RNF24: variants seen among roughly 807,000 people sequenced by gnomAD.
RNF24 encodes ring finger protein 24.
A neutral mutation model predicts 20.0 loss-of-function variants in RNF24; 14 were observed. That is an observed-to-expected ratio of 0.70 (90% CI 0.46 to 1.10). The LOEUF (loss-of-function observed/expected upper bound fraction) is 1.10. RNF24 is among the 50% of genes least tolerant of loss of function. The pLI is 0.00. For missense variants in RNF24, 124 were observed against 177.6 expected, an observed-to-expected ratio of 0.70 and a Z score of 1.71; for synonymous variants, 45 against 61.1, an observed-to-expected ratio of 0.74 and a Z score of 1.23.
chr20:3,933,526 G>A lies in RNF24; in HGVS notation c.*537C>T, dbSNP rs544753308. 9 of 215,538 alleles carry A rather than the reference G, an allele frequency of 4.2e-5. No homozygotes were observed. The highest frequency in any genetic ancestry group is 8.2e-5 in the Non-Finnish European group (9 of 110,402). 13.4% of individuals were successfully genotyped at this position (215,538 alleles called of 1,614,324 possible). A position where few individuals can be genotyped will look rare whatever the true frequency, so the allele number is the denominator to read the frequency against. On this transcript the variant is annotated 3_prime_UTR_variant, in exon 6 of 6. Coordinates refer to ENST00000358395, the MANE Select transcript of RNF24 (RefSeq NM_001134337.3). ...GGGGAAATGGGTGACGAGGAACACT[G>A]CTACTCAAAGCCAAGATGGCCTTAT...
chr20:3,944,113 A>C (rs1354226617), intron 4 of RNF24, among the ~76,000 whole-genome samples: 1 of 151,658 alleles, frequency 6.6e-6, no homozygotes, highest in East Asian at 1.9e-4. Context: ...GACAGGCTGA[A>C]GCAGGAGAAT....
At chr20:3,978,305 G>A (rs1002510114) in intron 1 of RNF24, among the ~76,000 whole-genome samples, 2 of 151,616 alleles carry the variant, frequency 1.3e-5, no homozygotes. Context: ...CAAAGTGCTG[G>A]AATTACAGAC....
chr20:4,004,628 G>A (rs1304686142), intron 1 of RNF24, among the ~76,000 whole-genome samples: 2 of 152,188 alleles, frequency 1.3e-5, no homozygotes, highest in African/African-American at 4.8e-5. Context: ...AAGACCATAT[G>A]AAGACAGAAG....
At chr20:3,995,880 T>A (rs1980823379) in intron 1 of RNF24, among the ~76,000 whole-genome samples, 1 of 152,094 alleles carries the variant, frequency 6.6e-6, no homozygotes, top group Non-Finnish European at 1.5e-5. Context: ...CAGTGAATAA[T>A]CCTCTAAATG....
Position 3,931,910 on chromosome 20 carries a change from T to C in RNF24, c.*2153A>G, listed in dbSNP as rs1380379418. 1.3e-5 allele frequency: 2 copies of C among 152,196 alleles called. No individual in the cohort carries two copies. Among genetic ancestry groups the C allele is most frequent in the Non-Finnish European group, 2.9e-5 (2 of 68,038 alleles). 9.4% of individuals were successfully genotyped at this position (152,196 alleles called of 1,614,324 possible). A position where few individuals can be genotyped will look rare whatever the true frequency, so the allele number is the denominator to read the frequency against. On this transcript the variant is annotated 3_prime_UTR_variant, in exon 6 of 6. Transcript: ENST00000358395. ...TGCCTGTGGCTCTGACACGGGGGGA[T>C]GAATTAACTTGCCTCTGTTCAAATA...
At position 3,930,605 on chromosome 20, in the gene RNF24, T is replaced by G. The variant is rs1162377811; in HGVS notation, c.*3458A>C. On this transcript the variant is annotated 3_prime_UTR_variant, in exon 6 of 6. Coordinates refer to ENST00000358395, the MANE Select transcript of RNF24 (RefSeq NM_001134337.3). The stretch of plus-strand genomic sequence containing the variant: ...GTGACAAGAGGTGATTCCATCACTC[T>G]CTGCCTGGAGCTCTGGGTATACTGC... 1 of 152,238 alleles carries G rather than the reference T, an allele frequency of 6.6e-6. No homozygotes were observed. Among genetic ancestry groups the G allele is most frequent in the Non-Finnish European group, 1.5e-5 (1 of 68,044 alleles). 9.4% of individuals were successfully genotyped at this position (152,238 alleles called of 1,614,324 possible).
chr20:3,969,773 GT>G (rs34975215), intron 1 of RNF24, among the ~76,000 whole-genome samples: 89 of 136,214 alleles, frequency 6.5e-4, no homozygotes, highest in East Asian at 3.9e-3. Context: ...GCTGAAATCT[GT>G]TTTTTTTTTT....
chr20:3,945,246 G>A (rs191563273), intron 3 of RNF24, 28 bp from the exon 4 acceptor site: 1 of 1,559,162 alleles, frequency 6.4e-7, no homozygotes, highest in African/African-American at 1.4e-5. Flanking sequence ...ATGTTCTTAT[G>A]CCCATTTAAA....
chr20:3,994,761 T>C (rs1980727706), intron 1 of RNF24, among the ~76,000 whole-genome samples: 1 of 152,198 alleles, frequency 6.6e-6, no homozygotes, highest in Non-Finnish European at 1.5e-5. Context: ...TTGAACACAT[T>C]AATTCCAGGA....
At chr20:4,005,186 T>C (rs903101495) in intron 1 of RNF24, among the ~76,000 whole-genome samples, 4 of 151,970 alleles carry the variant, frequency 2.6e-5, no homozygotes, top group Non-Finnish European at 4.4e-5. Context: ...ATTTAGTTTG[T>C]CATCCATAAA....
intron 4 of RNF24, 99 bp downstream of exon 4, chr20:3,945,077 TA>T: frequency 6.8e-7 from 1 of 1,464,062 alleles, no homozygotes; most frequent in Non-Finnish European, 9.3e-7. Context: ...AAAATAAGCC[TA>T]TTTTTTTCAA....
At position 3,930,695 on chromosome 20, in the gene RNF24, G is replaced by T. The variant is rs2090810765; in HGVS notation, c.*3368C>A. ...CCTCTGAGAAAAATAATTCCTAGTT[G>T]TTCAAAGTAGCTTAGAGCGGGATCA... On this transcript the variant is annotated 3_prime_UTR_variant, in exon 6 of 6. Coordinates refer to ENST00000358395, the MANE Select transcript of RNF24 (RefSeq NM_001134337.3). 1 of 152,280 alleles carries T rather than the reference G, an allele frequency of 6.6e-6. No individual in the cohort carries two copies. 9.4% of individuals were successfully genotyped at this position (152,280 alleles called of 1,614,324 possible).
intron 1 of RNF24, among the ~76,000 whole-genome samples, chr20:3,969,506 C>CA (rs113442389): frequency 0.17 from 15,282 of 89,030 alleles, 979 homozygotes; most frequent in Non-Finnish European, 0.23. Flanking sequence ...CAGGTGAAGA[C>CA]AAAAAAAAAA....
At position 3,959,623 on chromosome 20, in the gene RNF24, T is replaced by C. The variant is rs73580288; in HGVS notation, c.143+4252A>G. Among the ~76,000 whole-genome samples, 758 of 152,324 alleles carry C rather than the reference T, an allele frequency of 5.0e-3. 2 individuals carry two copies. The highest frequency in any genetic ancestry group is 0.017 in the African/African-American group (698 of 41,574). On this transcript the variant is annotated intron_variant, in intron 2 of 5. Transcript: ENST00000358395. ...TGTTTATAATTTTATCCAAGTTACA[T>C]ATGTTGTCATATGTGGCTCTACAGG...
intron 3 of RNF24, among the ~76,000 whole-genome samples, chr20:3,946,419 A>T (rs1476335204): frequency 6.6e-6 from 1 of 152,060 alleles, no homozygotes; most frequent in Non-Finnish European, 1.5e-5. Context: ...GCACCACTGC[A>T]CTCCAGCCTG....
chr20:3,964,651 T>C (rs2091239338), intron 1 of RNF24, among the ~76,000 whole-genome samples: 1 of 152,082 alleles, frequency 6.6e-6, no homozygotes, highest in Admixed American at 6.6e-5. Flanking sequence ...GCCTCCCAAA[T>C]AGCTAGGACT....
At chr20:4,002,303 G>C (rs889038281) in intron 1 of RNF24, among the ~76,000 whole-genome samples, 1 of 151,966 alleles carries the variant, frequency 6.6e-6, no homozygotes, top group Admixed American at 6.6e-5. Context: ...GGAGAATGGC[G>C]TGAACCCAGG....
intron 1 of RNF24, among the ~76,000 whole-genome samples, chr20:4,003,633 CTTTTTTTTTTTTTTT>C (rs377227990): frequency 7.1e-5 from 6 of 84,426 alleles, no homozygotes; most frequent in Admixed American, 1.8e-4. Flanking sequence ...TTAGAAACTC[CTTTTTTTTTTTTTTT>C]TTTTTTTTTT....
intron 1 of RNF24, among the ~76,000 whole-genome samples, chr20:3,978,050 C>T (rs1568644993): frequency 6.6e-6 from 1 of 151,828 alleles, no homozygotes; most frequent in Non-Finnish European, 1.5e-5. Context: ...GTATTCCAAA[C>T]ACTACGAAAT....
Sources: gnomAD v4.1 joint callset for allele counts (sites outside exome capture counted in the v4.1 genomes callset) on GRCh38, gnomAD v4.1.1 for gene constraint, MANE v1.5 for transcripts, NCBI Gene and HGNC (gene_info 2026-07-23, HGNC 2026-07-21) for gene names.